ROBO1: variants seen among roughly 807,000 people sequenced by gnomAD.
ROBO1 encodes roundabout homolog 1.
A neutral mutation model predicts 195.9 loss-of-function variants in ROBO1; 149 were observed. The ratio of observed to expected loss-of-function variants is 0.76; its 90% CI spans 0.67 to 0.87. ROBO1 has a LOEUF of 0.87. Among genes scored for constraint, ROBO1 ranks in the 40% least tolerant of loss-of-function variants. The probability of loss-of-function intolerance (pLI) is 0.00; values close to 1 mark genes in which losing one functional copy is unlikely to be tolerated. For missense variants in ROBO1, 1,933 were observed against 2,068.3 expected (o/e 0.93, Z 1.27); for synonymous variants, 816 against 733.2 (o/e 1.11, Z -1.82).
chr3:79,488,194 A>T (rs909135157), intron 2 of ROBO1, among the ~76,000 whole-genome samples: 3 of 152,228 alleles, frequency 2.0e-5, no homozygotes, highest in Non-Finnish European at 4.4e-5. Context: ...AATGACCAAA[A>T]TGAATCTTTG....
At chr3:78,603,513 C>T (rs1703295385) in intron 29 of ROBO1, among the ~76,000 whole-genome samples, 1 of 152,086 alleles carries the variant, frequency 6.6e-6, no homozygotes, top group South Asian at 2.1e-4. Flanking sequence ...ATACATAAAT[C>T]TCAGGATTTA....
chr3:78,615,543 C>T (rs933051307), intron 27 of ROBO1, among the ~76,000 whole-genome samples: 2 of 152,172 alleles, frequency 1.3e-5, no homozygotes, highest in African/African-American at 2.4e-5. Context: ...AAAGCTCCCA[C>T]GTTCTCTGGT....
chr3:79,006,692 A>G lies in ROBO1; in HGVS notation c.173-67765T>C, dbSNP rs967832007. Among the ~76,000 whole-genome samples the G allele has an allele frequency of 4.7e-5, 7 of 147,710 alleles. No individual in the cohort carries two copies. The South Asian group carries it at 1.5e-3, about 32-fold the overall frequency. On this transcript the variant is annotated intron_variant, in intron 3 of 30. Coordinates refer to ENST00000464233, the MANE Select transcript of ROBO1 (RefSeq NM_002941.4). ...GCCAGCCACTCCTTGGCCCTAATACAAGCACTTCCTTTCTTATACAGACCT... is the reference window on the plus strand; with the variant it reads ...GCCAGCCACTCCTTGGCCCTAATACGAGCACTTCCTTTCTTATACAGACCT...
At chr3:79,572,217 C>A (rs980662754) in intron 2 of ROBO1, among the ~76,000 whole-genome samples, 3 of 151,816 alleles carry the variant, frequency 2.0e-5, no homozygotes, top group Admixed American at 6.6e-5. Context: ...ATATTAAAGA[C>A]CTTTGTTAAA....
At chr3:79,726,452 C>A (rs1702929566) in intron 1 of ROBO1, among the ~76,000 whole-genome samples, 1 of 152,112 alleles carries the variant, frequency 6.6e-6, no homozygotes, top group South Asian at 2.1e-4. Flanking sequence ...TAATGTCTGA[C>A]ATATATTTAA....
At chr3:79,502,116 C>G (rs759082806) in intron 2 of ROBO1, among the ~76,000 whole-genome samples, 3 of 152,206 alleles carry the variant, frequency 2.0e-5, no homozygotes, top group Non-Finnish European at 4.4e-5. Context: ...AGCCCTCACT[C>G]GTTATCCGCG....
chr3:79,210,997 A>T (rs2081957751), intron 2 of ROBO1, among the ~76,000 whole-genome samples: 1 of 152,174 alleles, frequency 6.6e-6, no homozygotes, highest in African/African-American at 2.4e-5. Flanking sequence ...GGCATATAAT[A>T]TTAATACATA....
intron 2 of ROBO1, among the ~76,000 whole-genome samples, chr3:79,208,277 C>T (rs915203604): frequency 3.9e-5 from 6 of 152,190 alleles, no homozygotes; most frequent in African/African-American, 1.4e-4. Flanking sequence ...TGGTAGACCT[C>T]ATTTTACTTT....
intron 3 of ROBO1, among the ~76,000 whole-genome samples, chr3:79,112,546 A>T (rs2108536737): frequency 6.6e-6 from 1 of 152,268 alleles, no homozygotes; most frequent in African/African-American, 2.4e-5. Context: ...AGAGATTATT[A>T]CTTCCTAGAA....
intron 2 of ROBO1, among the ~76,000 whole-genome samples, chr3:79,579,844 C>T (rs143887538): frequency 1.4e-4 from 21 of 152,162 alleles, no homozygotes; most frequent in African/African-American, 4.3e-4. Context: ...CACAAAGTTA[C>T]GAGGAAAACC....
intron 2 of ROBO1, among the ~76,000 whole-genome samples, chr3:79,216,315 G>A (rs990203944): frequency 1.3e-5 from 2 of 152,020 alleles, no homozygotes; most frequent in Non-Finnish European, 2.9e-5. Context: ...AGGAAGAAGG[G>A]AACAATCTCT....
At chr3:79,277,551 C>A (rs974763704) in intron 2 of ROBO1, among the ~76,000 whole-genome samples, 1 of 151,876 alleles carries the variant, frequency 6.6e-6, no homozygotes, top group African/African-American at 2.4e-5. Flanking sequence ...TAAATAAGAT[C>A]TAGCATTTGA....
chr3:78,876,484 G>T (rs1286831377), intron 4 of ROBO1, among the ~76,000 whole-genome samples: 1 of 152,118 alleles, frequency 6.6e-6, no homozygotes, highest in African/African-American at 2.4e-5. Flanking sequence ...TAAAAAATTA[G>T]CATTTGGCTT....
intron 2 of ROBO1, among the ~76,000 whole-genome samples, chr3:79,447,633 T>A (rs954397329): frequency 3.9e-5 from 6 of 152,162 alleles, no homozygotes; most frequent in Non-Finnish European, 8.8e-5. Context: ...ACAGCATGAA[T>A]TAATTTGAAC....
At chr3:79,088,895 G>C (rs2079425258) in intron 3 of ROBO1, among the ~76,000 whole-genome samples, 1 of 151,936 alleles carries the variant, frequency 6.6e-6, no homozygotes, top group Non-Finnish European at 1.5e-5. Flanking sequence ...TAAACCTTAT[G>C]GGAACAAAAT....
chr3:78,771,828 C>T (rs910145679), intron 4 of ROBO1, among the ~76,000 whole-genome samples: 12 of 151,966 alleles, frequency 7.9e-5, no homozygotes, highest in Admixed American at 3.3e-4. Context: ...TCATATCATC[C>T]GTGAAGAGAG....
chr3:79,551,051 A>T (rs1942490683), intron 2 of ROBO1, among the ~76,000 whole-genome samples: 1 of 152,134 alleles, frequency 6.6e-6, no homozygotes, highest in Non-Finnish European at 1.5e-5. Context: ...TCAGGCAGCA[A>T]AAAGGACTTT....
intron 3 of ROBO1, among the ~76,000 whole-genome samples, chr3:79,115,807 G>A (rs1045182015): frequency 2.0e-5 from 3 of 152,184 alleles, no homozygotes; most frequent in Admixed American, 6.5e-5. Flanking sequence ...CCATACTTCC[G>A]TGCGTAGCAG....
chr3:79,657,751 A>G (rs898452296), intron 1 of ROBO1, among the ~76,000 whole-genome samples: 2 of 152,080 alleles, frequency 1.3e-5, no homozygotes, highest in Non-Finnish European at 2.9e-5. Flanking sequence ...ATATTCTTAG[A>G]AATAAAAGGG....
Sources: allele counts gnomAD v4.1 joint callset (sites outside exome capture counted in the v4.1 genomes callset), GRCh38; gene constraint gnomAD v4.1.1; transcripts MANE v1.5; gene names NCBI Gene and HGNC (gene_info 2026-07-23, HGNC 2026-07-21).